SASH1: variants seen among roughly 807,000 people sequenced by gnomAD.
SASH1 encodes SAM and SH3 domain containing 1.
A neutral mutation model predicts 125.2 loss-of-function variants in SASH1; 44 were observed. The ratio of observed to expected loss-of-function variants is 0.35; its 90% confidence interval spans 0.28 to 0.45. SASH1 has a LOEUF of 0.45. SASH1 is among the 20% of genes least tolerant of loss of function. The probability of loss-of-function intolerance (pLI) is 1.00; values close to 1 mark genes in which losing one functional copy is unlikely to be tolerated. For missense variants in SASH1, 1,426 were observed against 1,614.5 expected (o/e 0.88, Z 2.00); for synonymous variants, 639 against 649.1 (o/e 0.98, Z 0.24).
chr6:148,386,126 A>G (rs1783356451), intron 1 of SASH1, among the ~76,000 whole-genome samples: 1 of 152,164 alleles, frequency 6.6e-6, no homozygotes, highest in African/African-American at 2.4e-5. Flanking sequence ...CCACTGCAGA[A>G]CTTGCTGCTT....
At chr6:148,275,004 C>T (rs1779147804) in intron 1 of SASH1, among the ~76,000 whole-genome samples, 1 of 152,108 alleles carries the variant, frequency 6.6e-6, no homozygotes, top group Non-Finnish European at 1.5e-5. Flanking sequence ...TGGGTGGTGC[C>T]ACCATGCCAA....
chr6:148,412,049 C>T (rs536301844), intron 2 of SASH1, among the ~76,000 whole-genome samples: 9 of 152,212 alleles, frequency 5.9e-5, no homozygotes, highest in Non-Finnish European at 1.3e-4. Context: ...TGGCCTGAAG[C>T]CACACTGAAT....
At chr6:148,346,162 G>C (rs1781513332) in intron 1 of SASH1, among the ~76,000 whole-genome samples, 1 of 152,256 alleles carries the variant, frequency 6.6e-6, no homozygotes, top group Middle Eastern at 3.4e-3. Context: ...AACATTTTTA[G>C]GTGAATGAGC....
upstream of SASH1, among the ~76,000 whole-genome samples, chr6:148,338,940 GA>G (rs1449586824): frequency 1.4e-5 from 2 of 144,070 alleles, no homozygotes; most frequent in African/African-American, 5.1e-5. Context: ...AGGAGGGGGA[GA>G]TTGCAGTGAG....
At chr6:148,248,750 A>C in the SASH1 span, among the ~76,000 whole-genome samples, 1 of 152,192 alleles carries the variant, frequency 6.6e-6, no homozygotes, top group Admixed American at 6.5e-5. Flanking sequence ...AAGCATCTCC[A>C]TATGATTTGT....
chr6:148,203,962 T>C, the SASH1 span, among the ~76,000 whole-genome samples: 1 of 152,218 alleles, frequency 6.6e-6, no homozygotes, highest in Non-Finnish European at 1.5e-5. Context: ...TACCCAAAAC[T>C]GTTGGCAACT....
At chr6:148,266,524 G>C in the SASH1 span, among the ~76,000 whole-genome samples, 1 of 152,016 alleles carries the variant, frequency 6.6e-6, no homozygotes, top group African/African-American at 2.4e-5. Context: ...GTATACAAAG[G>C]GCCCAATGTT....
At chr6:148,281,418 A>G (rs1291374868) in intron 1 of SASH1, among the ~76,000 whole-genome samples, 1 of 152,104 alleles carries the variant, frequency 6.6e-6, no homozygotes, top group Non-Finnish European at 1.5e-5. Context: ...CTTATCTGCA[A>G]GCTCCTGGAG....
At chr6:148,388,421 C>A (rs1418914621) in intron 1 of SASH1, among the ~76,000 whole-genome samples, 1 of 152,202 alleles carries the variant, frequency 6.6e-6, no homozygotes, top group Non-Finnish European at 1.5e-5. Flanking sequence ...AGGCTGTGGG[C>A]TCAGACAGAC....
upstream of SASH1, among the ~76,000 whole-genome samples, chr6:148,268,737 CTTTG>C (rs1311873963): frequency 2.0e-5 from 3 of 152,190 alleles, no homozygotes; most frequent in Non-Finnish European, 4.4e-5. Context: ...TTCATCTCAG[CTTTG>C]TTTGAGCCAC....
chr6:148,204,608 C>A, the SASH1 span, among the ~76,000 whole-genome samples: 2 of 152,072 alleles, frequency 1.3e-5, no homozygotes, highest in African/African-American at 4.8e-5. Flanking sequence ...AGGAGAATCG[C>A]TTGAACCCAG....
At chr6:148,382,154 G>A (rs373349486) in intron 1 of SASH1, among the ~76,000 whole-genome samples, 4 of 152,110 alleles carry the variant, frequency 2.6e-5, no homozygotes, top group African/African-American at 9.7e-5. Context: ...GTTGGTGTAG[G>A]ATGCCAGGCA....
At chr6:148,241,628 A>T in the SASH1 span, among the ~76,000 whole-genome samples, 1 of 152,240 alleles carries the variant, frequency 6.6e-6, no homozygotes, top group Non-Finnish European at 1.5e-5. Context: ...TAGTCATCAG[A>T]AATGAAGCGA....
intron 4 of SASH1, among the ~76,000 whole-genome samples, chr6:148,441,408 T>C (rs1776542303): frequency 6.6e-6 from 1 of 152,202 alleles, no homozygotes; most frequent in African/African-American, 2.4e-5. Context: ...TGAGGAACGT[T>C]GTGGGTGATG....
Position 148,537,516 on chromosome 6 carries a change from T to C in SASH1, c.2095+2615T>C, listed in dbSNP as rs185301731. 2.0e-5 allele frequency among the ~76,000 whole-genome samples: 3 copies of C among 152,250 alleles called. No individual in the cohort carries two copies. The East Asian group carries it at 5.8e-4, about 29-fold the overall frequency. ...GTATAAGAATTCTAATTAGGAATTATTTCAAACATGCAGAAAAGTACAGAG... is the reference window on the plus strand; with the variant it reads ...GTATAAGAATTCTAATTAGGAATTACTTCAAACATGCAGAAAAGTACAGAG... On this transcript the variant is annotated intron_variant, in intron 16 of 19. Coordinates refer to ENST00000367467, the MANE Select transcript of SASH1 (RefSeq NM_015278.5).
intron 4 of SASH1, among the ~76,000 whole-genome samples, chr6:148,461,386 G>A (rs142594284): frequency 1.5e-4 from 23 of 152,294 alleles, no homozygotes; most frequent in African/African-American, 4.3e-4. Flanking sequence ...TGTTTTGACC[G>A]GCTTGACAAA....
At chr6:148,466,146 G>A (rs1777827502) in intron 4 of SASH1, among the ~76,000 whole-genome samples, 1 of 152,184 alleles carries the variant, frequency 6.6e-6, no homozygotes, top group African/African-American at 2.4e-5. Flanking sequence ...GCACAATTTG[G>A]TGATAAGTGA....
intron 4 of SASH1, among the ~76,000 whole-genome samples, chr6:148,450,686 G>A (rs2115040291): frequency 8.5e-6 from 1 of 117,960 alleles, no homozygotes; most frequent in African/African-American, 3.0e-5. Flanking sequence ...CTTATTATAT[G>A]TTATCTTTTT....
chr6:148,374,800 C>T (rs900860288), intron 1 of SASH1, among the ~76,000 whole-genome samples: 4 of 152,090 alleles, frequency 2.6e-5, no homozygotes, highest in South Asian at 2.1e-4. Context: ...TGGGTTCAAG[C>T]GATCTCCTGC....
Sources: allele counts gnomAD v4.1 joint callset (sites outside exome capture counted in the v4.1 genomes callset), GRCh38; gene constraint gnomAD v4.1.1; transcripts MANE v1.5; gene names NCBI Gene and HGNC (gene_info 2026-07-23, HGNC 2026-07-21).